Variants in ZNF565 observed in about 807,000 individuals in gnomAD.
ZNF565 encodes zinc finger protein 565.
ZNF565 carries 27 observed loss-of-function variants against 39.4 expected under a neutral mutation model. That is an observed-to-expected ratio of 0.69 (90% CI 0.51 to 0.95). ZNF565 has a LOEUF of 0.95. ZNF565 is among the 40% of genes least tolerant of loss of function. The pLI, the probability that ZNF565 is intolerant of heterozygous loss-of-function variation, is 0.00. For missense variants in ZNF565, 524 were observed against 621.1 expected (o/e 0.84, Z 1.66); for synonymous variants, 185 against 216.6 (o/e 0.85, Z 1.28).
At chr19:36,232,165 G>A (rs553548016) in intron 1 of ZNF565, among the ~76,000 whole-genome samples, 44 of 148,260 alleles carry the variant, frequency 3.0e-4, no homozygotes, top group Non-Finnish European at 2.8e-4. Context: ...ACTGCACTCC[G>A]GCCTGGGCAA....
At chr19:36,205,393 G>T (rs73038028) in intron 1 of ZNF565, among the ~76,000 whole-genome samples, 25,148 of 152,044 alleles carry the variant, frequency 0.17, 2,501 homozygotes, top group Non-Finnish European at 0.22. Flanking sequence ...CTGGCATGGT[G>T]GGGGGCGCTT....
At chr19:36,189,951 A>G (rs1290313035) in intron 4 of ZNF565, among the ~76,000 whole-genome samples, 1 of 151,874 alleles carries the variant, frequency 6.6e-6, no homozygotes, top group Non-Finnish European at 1.5e-5. Flanking sequence ...CTCTTGTCTC[A>G]GCCTCCCGAG....
chr19:36,209,403 G>A (rs1976270745), intron 1 of ZNF565, among the ~76,000 whole-genome samples: 1 of 152,158 alleles, frequency 6.6e-6, no homozygotes, highest in South Asian at 2.1e-4. Flanking sequence ...GCTGACGTGG[G>A]AAAATTGCTT....
At chr19:36,192,145 C>T (rs542191720) in intron 4 of ZNF565, among the ~76,000 whole-genome samples, 6 of 152,018 alleles carry the variant, frequency 3.9e-5, no homozygotes, top group South Asian at 2.1e-4. Flanking sequence ...CCCGCCACCA[C>T]GCCCAGCTAA....
intron 4 of ZNF565, among the ~76,000 whole-genome samples, chr19:36,192,568 C>T (rs1414319471): frequency 2.0e-5 from 3 of 152,028 alleles, no homozygotes; most frequent in Non-Finnish European, 4.4e-5. Context: ...TAGTGAAACC[C>T]TGTATCTACT....
At chr19:36,191,492 A>G (rs910079427) in intron 4 of ZNF565, among the ~76,000 whole-genome samples, 10 of 151,970 alleles carry the variant, frequency 6.6e-5, no homozygotes, top group African/African-American at 2.4e-4. Context: ...AATCTGAAAT[A>G]ACCATGGAAC....
chr19:36,229,091 C>T (rs1188082164), intron 1 of ZNF565, among the ~76,000 whole-genome samples: 1 of 152,182 alleles, frequency 6.6e-6, no homozygotes, highest in East Asian at 1.9e-4. Context: ...TGGCTGTTCT[C>T]CTTCATCCAC....
At chr19:36,211,792 C>CA (rs1190161603) in intron 1 of ZNF565, among the ~76,000 whole-genome samples, 38 of 122,062 alleles carry the variant, frequency 3.1e-4, no homozygotes, top group African/African-American at 8.1e-4. Context: ...GACTCTGTCT[C>CA]AAAAAAAACA....
intron 1 of ZNF565, chr19:36,237,452 GAC>G: frequency 8.8e-7 from 1 of 1,135,808 alleles, no homozygotes; most frequent in Non-Finnish European, 1.2e-6. Flanking sequence ...AAACTTAAGG[GAC>G]ACCAGAAAAT....
At chr19:36,242,186 C>CG (rs1315593122) in intron 1 of ZNF565, among the ~76,000 whole-genome samples, 13 of 150,388 alleles carry the variant, frequency 8.6e-5, no homozygotes, top group African/African-American at 3.2e-4. Context: ...CCGAGGCGGG[C>CG]GGATCACCTG....
intron 1 of ZNF565, among the ~76,000 whole-genome samples, chr19:36,208,339 C>T (rs935171145): frequency 4.6e-5 from 7 of 151,706 alleles, no homozygotes; most frequent in Non-Finnish European, 1.0e-4. Flanking sequence ...GTAGCTGAGA[C>T]CACAGGCATG....
chr19:36,206,768 G>A (rs1368675131), intron 1 of ZNF565, among the ~76,000 whole-genome samples: 6 of 151,978 alleles, frequency 3.9e-5, no homozygotes, highest in Non-Finnish European at 7.4e-5. Context: ...GGAGGAAGAG[G>A]TTGTAGTGAG....
At chr19:36,183,754 A>C (rs751913391) in intron 4 of ZNF565, 21 bp from the exon 5 acceptor site, 2 of 1,588,478 alleles carry the variant, frequency 1.3e-6, no homozygotes, top group South Asian at 2.3e-5. Context: ...AGAAAAAGAT[A>C]AATACAAGCT....
intron 1 of ZNF565, among the ~76,000 whole-genome samples, chr19:36,207,521 A>G (rs958005376): frequency 4.7e-5 from 7 of 149,678 alleles, no homozygotes; most frequent in Admixed American, 1.3e-4. Context: ...CCTGGGTGAC[A>G]GAGTGAGACT....
chr19:36,220,843 C>T (rs1489345323), intron 1 of ZNF565, among the ~76,000 whole-genome samples: 1 of 145,016 alleles, frequency 6.9e-6, no homozygotes, highest in Non-Finnish European at 1.5e-5. Flanking sequence ...TATTTTTGTT[C>T]TTAAAATGCA....
intron 1 of ZNF565, among the ~76,000 whole-genome samples, chr19:36,227,700 G>A (rs927881639): frequency 5.3e-5 from 8 of 152,200 alleles, no homozygotes; most frequent in South Asian, 4.1e-4. Context: ...GACTACAGGC[G>A]CACACCATTG....
chr19:36,203,866 A>G (rs746106864), intron 1 of ZNF565, among the ~76,000 whole-genome samples: 21 of 151,832 alleles, frequency 1.4e-4, no homozygotes, highest in Non-Finnish European at 2.2e-4. Context: ...GGTATGAGCT[A>G]CTGTGCCTGG....
chr19:36,229,561 G>A (rs1231986405), intron 1 of ZNF565, among the ~76,000 whole-genome samples: 1 of 152,104 alleles, frequency 6.6e-6, no homozygotes, highest in Non-Finnish European at 1.5e-5. Context: ...TATCCTTCTT[G>A]AGGTAACCTA....
At chr19:36,213,077 G>GA (rs5827953) in intron 1 of ZNF565, 57,242 of 152,090 alleles carry the variant, frequency 0.38, 10,933 homozygotes, top group Middle Eastern at 0.49. Context: ...GTGTCACTCA[G>GA]AAGGCTGAGG....
Sources: gnomAD v4.1 joint callset for allele counts (sites outside exome capture counted in the v4.1 genomes callset) on GRCh38, gnomAD v4.1.1 for gene constraint, MANE v1.5 for transcripts, NCBI Gene and HGNC (gene_info 2026-07-23, HGNC 2026-07-21) for gene names.